Variants in GRIP1 observed in about 807,000 individuals in gnomAD.
GRIP1 encodes glutamate receptor interacting protein 1.
In GRIP1, 45 loss-of-function variants were observed where a neutral mutation model predicts 129.9. The observed-to-expected ratio is 0.35, with a 90% CI of 0.27 to 0.44. The LOEUF is 0.44. GRIP1 is among the 20% of genes least tolerant of loss of function. The pLI is 1.00. For missense variants in GRIP1, 1,196 were observed against 1,396.8 expected (o/e 0.86, Z 2.29); for synonymous variants, 530 against 520.8 (o/e 1.02, Z -0.24).
intron 1 of GRIP1, among the ~76,000 whole-genome samples, chr12:66,815,024 A>G (rs963086609): frequency 7.9e-5 from 12 of 152,306 alleles, no homozygotes; most frequent in African/African-American, 2.6e-4. Flanking sequence ...AGGGATTACA[A>G]TTCGAGATGA....
intron 1 of GRIP1, among the ~76,000 whole-genome samples, chr12:66,797,207 G>C (rs2038725108): frequency 6.6e-6 from 1 of 152,178 alleles, no homozygotes; most frequent in South Asian, 2.1e-4. Context: ...GAGGTACATG[G>C]GGAAGTTGTG....
chr12:66,844,153 C>T (rs1313151486), intron 1 of GRIP1, among the ~76,000 whole-genome samples: 2 of 152,062 alleles, frequency 1.3e-5, no homozygotes, highest in African/African-American at 2.4e-5. Context: ...AATAGACATT[C>T]TTCCAAAGAT....
intron 1 of GRIP1, among the ~76,000 whole-genome samples, chr12:66,623,215 C>T (rs11176332): frequency 0.2 from 30,103 of 152,102 alleles, 3,097 homozygotes; most frequent in Non-Finnish European, 0.23. Flanking sequence ...CTAAGTCTCT[C>T]TGCTTTTCTT....
At chr12:66,931,441 T>C (rs1448045779) in intron 1 of GRIP1, among the ~76,000 whole-genome samples, 2 of 151,922 alleles carry the variant, frequency 1.3e-5, no homozygotes, top group Non-Finnish European at 2.9e-5. Context: ...AGTAGAATAA[T>C]GAAGAAAGGG....
At chr12:66,498,637 A>G (rs747421415) in intron 7 of GRIP1, among the ~76,000 whole-genome samples, 10 of 152,206 alleles carry the variant, frequency 6.6e-5, no homozygotes, top group Non-Finnish European at 1.3e-4. Context: ...CTATAATGGC[A>G]ATGTATTATG....
In GRIP1 at chr12:66,578,232, G is replaced by GTTTTTTTTTT. The variant is rs547352236; in HGVS notation, c.136+18605_136+18614dup. Reference sequence around the variant, plus strand: ...GCCTGACTAATATGGCAAAACCGCGGTTTTTTTTTTTTTTTTTGTAAAAAT... The same window carrying GTTTTTTTTTT: ...GCCTGACTAATATGGCAAAACCGCGGTTTTTTTTTTTTTTTTTTTTTTTTTTTGTAAAAAT... On this transcript the variant is annotated intron_variant, in intron 2 of 24. Coordinates refer to ENST00000359742, the MANE Select transcript of GRIP1 (RefSeq NM_001366722.1). Among the ~76,000 whole-genome samples, 156 of 102,490 alleles carry GTTTTTTTTTT rather than the reference G, an allele frequency of 1.5e-3. 9 individuals carry two copies. The highest frequency in any genetic ancestry group is 5.1e-3 in the African/African-American group (140 of 27,386). The allele number at this position is 102,490 out of a possible 152,430, so 67.2% of individuals were successfully genotyped here.
rs149513668 is a variant in GRIP1 at position 66,930,351 on chromosome 12, G to A, written c.58+138699C>T. Among the ~76,000 whole-genome samples, 468 of 146,604 alleles carry A rather than the reference G, an allele frequency of 3.2e-3. 3 individuals are homozygous for A. Among genetic ancestry groups the A allele is most frequent in the African/African-American group, 0.011 (428 of 39,796 alleles). ...AATTCCCACCTATGAGTGAGAACAT[G>A]CGATGTTTGGTTTTTTGTTCTTGCG... On this transcript the variant is annotated intron_variant, in intron 1 of 1. Coordinates refer to the GRIP1 transcript ENST00000643019.
At chr12:67,018,304 G>T (rs918019910) in intron 1 of GRIP1, among the ~76,000 whole-genome samples, 30 of 152,312 alleles carry the variant, frequency 2.0e-4, no homozygotes, top group African/African-American at 7.2e-4. Context: ...GAAGCTCATG[G>T]AGGAGCGCCT....
intron 1 of GRIP1, among the ~76,000 whole-genome samples, chr12:66,727,022 A>G (rs961578971): frequency 2.0e-5 from 3 of 152,212 alleles, no homozygotes; most frequent in African/African-American, 7.2e-5. Context: ...TCTCCTTCTA[A>G]ATACGATAAA....
intron 1 of GRIP1, among the ~76,000 whole-genome samples, chr12:66,792,609 T>C (rs1467543083): frequency 2.6e-5 from 4 of 152,182 alleles, no homozygotes; most frequent in African/African-American, 9.7e-5. Flanking sequence ...CCAGGCTATA[T>C]GGGACTATCT....
At chr12:66,445,966 A>G (rs2058612311) in intron 11 of GRIP1, among the ~76,000 whole-genome samples, 1 of 152,136 alleles carries the variant, frequency 6.6e-6, no homozygotes, top group African/African-American at 2.4e-5. Flanking sequence ...AAACAATCCT[A>G]TCTTCAGCTT....
chr12:66,516,372 C>A (rs1174122297), intron 6 of GRIP1, among the ~76,000 whole-genome samples: 1 of 152,092 alleles, frequency 6.6e-6, no homozygotes, highest in Admixed American at 6.6e-5. Flanking sequence ...TTCAGTGACA[C>A]CACAAAAGTA....
chr12:66,902,736 A>C (rs2040863012), intron 1 of GRIP1, among the ~76,000 whole-genome samples: 1 of 152,240 alleles, frequency 6.6e-6, no homozygotes, highest in Non-Finnish European at 1.5e-5. Context: ...ACATCATTTA[A>C]TATATTTGGA....
At chr12:67,050,694 T>C (rs2694383) in intron 1 of GRIP1, among the ~76,000 whole-genome samples, 142,402 of 152,164 alleles carry the variant, frequency 0.94, 67,428 homozygotes, top group East Asian at 1. Flanking sequence ...TACTCTATGG[T>C]AGCATTTCTC....
chr12:67,004,901 C>G (rs567580572), intron 1 of GRIP1, among the ~76,000 whole-genome samples: 2 of 151,588 alleles, frequency 1.3e-5, no homozygotes, highest in African/African-American at 4.8e-5. Context: ...GTATGCATAA[C>G]AGAAAGAGCA....
At chr12:66,570,413 A>C (rs2062920808) in intron 2 of GRIP1, among the ~76,000 whole-genome samples, 1 of 152,154 alleles carries the variant, frequency 6.6e-6, no homozygotes, top group African/African-American at 2.4e-5. Flanking sequence ...ACCGGGCCTC[A>C]ACTGAAATTC....
intron 1 of GRIP1, among the ~76,000 whole-genome samples, chr12:66,984,664 T>C (rs1041418767): frequency 5.3e-5 from 8 of 151,850 alleles, no homozygotes; most frequent in African/African-American, 1.9e-4. Context: ...CTCTCGACCA[T>C]ACTAAAAACC....
At chr12:66,676,025 T>C (rs1295255450) in intron 1 of GRIP1, among the ~76,000 whole-genome samples, 1 of 152,212 alleles carries the variant, frequency 6.6e-6, no homozygotes, top group Non-Finnish European at 1.5e-5. Context: ...GATCAGTGTC[T>C]ATGTGGAGTG....
At chr12:66,447,671 T>C (rs2058670775) in intron 11 of GRIP1, among the ~76,000 whole-genome samples, 1 of 152,090 alleles carries the variant, frequency 6.6e-6, no homozygotes, top group South Asian at 2.1e-4. Flanking sequence ...ACTATCCCTT[T>C]CCACCCCCCA....
Sources: gnomAD v4.1 joint callset for allele counts (sites outside exome capture counted in the v4.1 genomes callset) on GRCh38, gnomAD v4.1.1 for gene constraint, MANE v1.5 for transcripts, NCBI Gene and HGNC (gene_info 2026-07-23, HGNC 2026-07-21) for gene names.